Variants in MOB2 observed in about 807,000 individuals in gnomAD.
MOB2 encodes MOB2 Mps One Binder homolog.
Under a neutral mutation model 27.4 loss-of-function variants are expected in MOB2, and 14 were observed. The observed-to-expected ratio is 0.51, with a 90% CI of 0.34 to 0.80. MOB2 has a LOEUF of 0.80. Ranked by LOEUF, MOB2 falls within the 30% of genes least tolerant of loss-of-function variation. The probability of loss-of-function intolerance (pLI) is 0.01; values close to 1 mark genes in which losing one functional copy is unlikely to be tolerated. For synonymous variants in MOB2, 167 were observed against 151.8 expected, an observed-to-expected ratio of 1.10 and a Z score of -0.74; for missense variants, 304 against 354.6, an observed-to-expected ratio of 0.86 and a Z score of 1.15.
chr11:1,470,697 C>T (rs1847776920), intron 4 of MOB2, among the ~76,000 whole-genome samples: 1 of 152,232 alleles, frequency 6.6e-6, no homozygotes, highest in Non-Finnish European at 1.5e-5. Flanking sequence ...GCTGCTGAGA[C>T]CTCCCTGCGT....
chr11:1,480,031 T>C (rs1285235721), intron 3 of MOB2, among the ~76,000 whole-genome samples: 2 of 152,224 alleles, frequency 1.3e-5, no homozygotes, highest in Non-Finnish European at 2.9e-5. Context: ...CAAGGACCTG[T>C]GGCCTGCCCA....
At chr11:1,481,762 AGGGAGG>A in intron 1 of MOB2, among the ~76,000 whole-genome samples, 1 of 80,216 alleles carries the variant, frequency 1.2e-5, no homozygotes, top group South Asian at 4.1e-4. Flanking sequence ...GGGCAGGGGC[AGGGAGG>A]GGCAGGGGCA....
At chr11:1,474,846 T>C (rs1370583693) in intron 3 of MOB2, among the ~76,000 whole-genome samples, 1 of 152,276 alleles carries the variant, frequency 6.6e-6, no homozygotes, top group African/African-American at 2.4e-5. Flanking sequence ...TCTTAATTAC[T>C]AGAGTTTCAC....
chr11:1,477,103 G>C (rs962931490), intron 3 of MOB2, among the ~76,000 whole-genome samples: 1 of 152,114 alleles, frequency 6.6e-6, no homozygotes, highest in African/African-American at 2.4e-5. Flanking sequence ...TGGGGTCATC[G>C]GGCTCCGTGC....
intron 4 of MOB2, 25 bp downstream of exon 4, chr11:1,471,270 C>T (rs894736119): frequency 1.9e-6 from 3 of 1,600,658 alleles, no homozygotes; most frequent in Non-Finnish European, 2.6e-6. Context: ...GTGAGGATGA[C>T]CGCCCAGTGC....
intron 3 of MOB2, among the ~76,000 whole-genome samples, chr11:1,474,531 G>A (rs1847831902): frequency 6.6e-6 from 1 of 152,236 alleles, no homozygotes; most frequent in Non-Finnish European, 1.5e-5. Flanking sequence ...ACAAATGACT[G>A]CTTTTCCCAG....
intron 1 of MOB2, among the ~76,000 whole-genome samples, chr11:1,482,045 T>C (rs916035707): frequency 1.3e-5 from 2 of 152,288 alleles, no homozygotes; most frequent in South Asian, 4.1e-4. Flanking sequence ...CCCATGACGC[T>C]GGGCCTGGCC....
At chr11:1,473,703 A>T (rs1331248284) in intron 3 of MOB2, among the ~76,000 whole-genome samples, 1 of 152,228 alleles carries the variant, frequency 6.6e-6, no homozygotes. Flanking sequence ...ATGGAACACC[A>T]CTGTTTCCTG....
intron 1 of MOB2, among the ~76,000 whole-genome samples, chr11:1,485,259 G>A (rs558223036): frequency 2.6e-5 from 4 of 152,296 alleles, no homozygotes; most frequent in East Asian, 1.9e-4. Flanking sequence ...AGCTGCCTTC[G>A]GCATTTGGCC....
At position 1,469,495 on chromosome 11, in the gene MOB2, G is replaced by A. The variant is rs1168442845; in HGVS notation, c.*677C>T. Reference sequence around the variant, plus strand: ...TTCTTTTTATTACGAGTGAACAGATGAACTAAGGTAAGCGGGTCTCAGCCT... The same window carrying A: ...TTCTTTTTATTACGAGTGAACAGATAAACTAAGGTAAGCGGGTCTCAGCCT... On this transcript the variant is annotated 3_prime_UTR_variant, in exon 5 of 5. Coordinates refer to ENST00000329957, the MANE Select transcript of MOB2 (RefSeq NM_001172223.3). 1 of 451,798 alleles carries A rather than the reference G, an allele frequency of 2.2e-6. No homozygotes were observed. The highest frequency in any genetic ancestry group is 4.5e-6 in the Non-Finnish European group (1 of 223,470). 28.0% of individuals were successfully genotyped at this position (451,798 alleles called of 1,614,324 possible).
chr11:1,476,154 T>C (rs372953560), intron 3 of MOB2, among the ~76,000 whole-genome samples: 2 of 152,260 alleles, frequency 1.3e-5, no homozygotes, highest in African/African-American at 4.8e-5. Context: ...TGAAAACTTA[T>C]TAACTGTTTA....
intron 3 of MOB2, among the ~76,000 whole-genome samples, chr11:1,474,189 C>T (rs1221631515): frequency 5.3e-5 from 8 of 152,014 alleles, no homozygotes; most frequent in Non-Finnish European, 2.9e-5. Flanking sequence ...ACAGGATAGC[C>T]CCAGCTGCCA....
intron 3 of MOB2, among the ~76,000 whole-genome samples, chr11:1,474,829 C>T (rs901551275): frequency 6.6e-6 from 1 of 152,272 alleles, no homozygotes; most frequent in Non-Finnish European, 1.5e-5. Context: ...TTCAACACTG[C>T]ACACTGTCTT....
At chr11:1,482,788 G>A (rs180943246) in intron 1 of MOB2, among the ~76,000 whole-genome samples, 23 of 152,368 alleles carry the variant, frequency 1.5e-4, no homozygotes, top group Admixed American at 7.8e-4. Flanking sequence ...CCAAGGGGAC[G>A]CGCAGGACAT....
rs193084581 is a variant in MOB2, at chr11:1,480,904, C to T, written c.111-19G>A. The T allele has an allele frequency of 9.2e-5, 142 of 1,550,928 alleles. 1 individual carries two copies. The highest frequency in any genetic ancestry group is 6.3e-4 in the East Asian group (26 of 40,966). Reference sequence around the variant, plus strand: ...GGACTTCCTGCCAAGAGAGGAGACGCGGTGTGGTCACTACACGCCCATCAG... The same window carrying T: ...GGACTTCCTGCCAAGAGAGGAGACGTGGTGTGGTCACTACACGCCCATCAG... On this transcript the variant is annotated intron_variant, in intron 1 of 4. Coordinates refer to ENST00000329957, the MANE Select transcript of MOB2 (RefSeq NM_001172223.3).
intron 1 of MOB2, chr11:1,481,717 G>A (rs1847915901): frequency 2.7e-4 from 2 of 7,472 alleles, no homozygotes; most frequent in Admixed American, 1.8e-3. Context: ...GGCAGGAGCA[G>A]GGGCAGGGGC....
chr11:1,469,725 G>A lies in MOB2; in HGVS notation c.*447C>T, dbSNP rs1158174805. On this transcript the variant is annotated 3_prime_UTR_variant, in exon 5 of 5. Coordinates refer to ENST00000329957, the MANE Select transcript of MOB2 (RefSeq NM_001172223.3). ...ACTCCTGGCGAGGCCGGGAGAGGAGGGGTGAGAGGGAAGGAGGGTCTCTGT... is the reference window on the plus strand; with the variant it reads ...ACTCCTGGCGAGGCCGGGAGAGGAGAGGTGAGAGGGAAGGAGGGTCTCTGT... The A allele has an allele frequency of 6.5e-6, 3 of 461,830 alleles. No individual in the cohort carries two copies. Among genetic ancestry groups the A allele is most frequent in the African/African-American group, 2.0e-5 (1 of 50,328 alleles). The allele number at this position is 461,830 out of a possible 1,614,324, so 28.6% of individuals were successfully genotyped here. A position where few individuals can be genotyped will look rare whatever the true frequency, so the allele number is the denominator to read the frequency against.
Position 1,480,395 on chromosome 11 carries a change from G to A in MOB2, c.363C>T (p.Asn121=), listed in dbSNP as rs771216485. The change falls in exon 3 of 5, where the codon AAC becomes AAT. Residue 121 remains asparagine (N), a splice_region_variant and synonymous_variant. Transcript: ENST00000329957. ...GGCTGTAGCCAGGCAGCACTCACGT[G>A]TTGCACACGGCCATCGTCTGACACG... ...GETCQTMAVC[N]TQYYWYDERG... is the part of the protein sequence containing the mutation. 1.2e-6 allele frequency: 2 copies of A among 1,613,284 alleles called. No individual in the cohort carries two copies. Among genetic ancestry groups the A allele is most frequent in the African/African-American group, 1.3e-5 (1 of 74,942 alleles).
intron 1 of MOB2, among the ~76,000 whole-genome samples, chr11:1,482,577 AG>A (rs1847926609): frequency 6.6e-6 from 1 of 152,184 alleles, no homozygotes; most frequent in African/African-American, 2.4e-5. Context: ...AGAACACAGA[AG>A]AAAAGTACGC....
Sources: gnomAD v4.1 joint callset for allele counts (sites outside exome capture counted in the v4.1 genomes callset) on GRCh38, gnomAD v4.1.1 for gene constraint, MANE v1.5 for transcripts, NCBI Gene and HGNC (gene_info 2026-07-23, HGNC 2026-07-21) for gene names.